The following CDC14B variants were observed in gnomAD, a reference collection of about 807,000 sequenced individuals.
The protein encoded by CDC14B is dual specificity protein phosphatase CDC14B.
A neutral mutation model predicts 64.2 loss-of-function variants in CDC14B; 22 were observed. That is an observed-to-expected ratio of 0.34 (90% confidence interval 0.24 to 0.49). CDC14B has a LOEUF of 0.49. Among genes scored for constraint, CDC14B ranks in the 20% least tolerant of loss-of-function variants. The pLI, the probability that CDC14B is intolerant of heterozygous loss-of-function variation, is 0.99. For synonymous variants in CDC14B, 191 were observed against 215.8 expected (o/e 0.89, Z 1.01); for missense variants, 498 against 629.9 (o/e 0.79, Z 2.24).
chr9:96,571,866 A>G (rs1419937712), intron 1 of CDC14B, among the ~76,000 whole-genome samples: 2 of 152,046 alleles, frequency 1.3e-5, no homozygotes, highest in Admixed American at 1.3e-4. Context: ...CCCACCCCAT[A>G]CCCTGGAGGA....
intron 7 of CDC14B, 119 bp from the exon 8 acceptor site, chr9:96,534,661 C>A (rs1217302302): frequency 4.5e-6 from 3 of 660,662 alleles, no homozygotes; most frequent in Non-Finnish European, 8.0e-6. Context: ...AAGCTGTTTA[C>A]AAATTGCCAT....
At chr9:96,570,293 G>A (rs1844393539) in intron 1 of CDC14B, among the ~76,000 whole-genome samples, 1 of 152,212 alleles carries the variant, frequency 6.6e-6, no homozygotes, top group East Asian at 1.9e-4. Flanking sequence ...GAAATATGTA[G>A]GAGTCGGTGG....
chr9:96,571,425 C>T (rs1175775514), intron 1 of CDC14B, among the ~76,000 whole-genome samples: 1 of 152,086 alleles, frequency 6.6e-6, no homozygotes, highest in East Asian at 1.9e-4. Flanking sequence ...CCGCCCGCCT[C>T]GGCCTCCCAG....
At chr9:96,492,158 A>G (rs7867618) in exon 14 of CDC14B, 37,817 of 152,112 alleles carry the variant, frequency 0.25, 6,190 homozygotes, top group African/African-American at 0.47. Context: ...GGCGACTTAG[A>G]CTCAAGCAGA....
At chr9:96,512,524 T>C (rs1367365140) in intron 12 of CDC14B, among the ~76,000 whole-genome samples, 1 of 152,076 alleles carries the variant, frequency 6.6e-6, no homozygotes, top group Non-Finnish European at 1.5e-5. Context: ...GGGGTCTCGC[T>C]ATGTTGCCCA....
At chr9:96,578,622 G>C (rs1212418225) in intron 1 of CDC14B, among the ~76,000 whole-genome samples, 2 of 152,092 alleles carry the variant, frequency 1.3e-5, no homozygotes, top group African/African-American at 4.8e-5. Flanking sequence ...CAAAATAGCT[G>C]ACCCATTCTC....
intron 7 of CDC14B, among the ~76,000 whole-genome samples, chr9:96,537,481 G>A (rs898995166): frequency 2.6e-5 from 4 of 152,174 alleles, no homozygotes; most frequent in African/African-American, 9.7e-5. Flanking sequence ...GGCACATGAC[G>A]TAAGTCAGGC....
intron 1 of CDC14B, among the ~76,000 whole-genome samples, chr9:96,581,717 G>A (rs1053140317): frequency 6.6e-6 from 1 of 152,036 alleles, no homozygotes; most frequent in African/African-American, 2.4e-5. Flanking sequence ...TTCCTCTGGG[G>A]AGTGAGGGAA....
In CDC14B at chr9:96,502,388, G is replaced by C. The variant is rs528793092; in HGVS notation, c.*1365C>G. The C allele has an allele frequency of 6.5e-6, 1 of 153,754 alleles. No homozygotes were observed. Among genetic ancestry groups the C allele is most frequent in the East Asian group, 1.9e-4 (1 of 5,264 alleles). The allele number at this position is 153,754 out of a possible 1,614,324, so 9.5% of individuals were successfully genotyped here. A position where few individuals can be genotyped will look rare whatever the true frequency, so the allele number is the denominator to read the frequency against. ...CCGCTTTTATTTCTTCCAGTTTTGT[G>C]AAAAAGGCAGCTTCTTAAAATGGAG... is the stretch of plus-strand genomic sequence containing the variant. On this transcript the variant is annotated 3_prime_UTR_variant, in exon 14 of 14. Transcript: ENST00000375241.
At position 96,534,494 on chromosome 9, in the gene CDC14B, C is replaced by A; in HGVS notation, c.676G>T (p.Ala226Ser). ...LNWIIPDRFI[A>S]FCGPHSRARL... ...GCTCTTGAATGAGGTCCACAGAAGG[C>A]AATAAATCGGTCTGGTATTATCCAA... The change falls in exon 8 of 14, where the codon GCC becomes TCC. Residue 226 changes from alanine to serine, a missense_variant. Ala to Ser is a moderately conservative substitution (Grantham distance 99, BLOSUM62 1). Transcript: ENST00000375241. The A allele has an allele frequency of 6.2e-7, 1 of 1,613,456 alleles. No individual in the cohort carries two copies. The highest frequency in any genetic ancestry group is 8.5e-7 in the Non-Finnish European group (1 of 1,179,426).
At chr9:96,518,777 G>A (rs1836163691) in intron 12 of CDC14B, among the ~76,000 whole-genome samples, 1 of 152,130 alleles carries the variant, frequency 6.6e-6, no homozygotes, top group East Asian at 1.9e-4. Flanking sequence ...AGGCAGAATG[G>A]CCCGAATGTC....
chr9:96,586,323 A>G (rs1297895517), intron 1 of CDC14B, among the ~76,000 whole-genome samples: 2 of 152,218 alleles, frequency 1.3e-5, no homozygotes, highest in Non-Finnish European at 2.9e-5. Flanking sequence ...AGTAAATGAC[A>G]TTGCAACTTT....
chr9:96,575,276 G>A (rs1019507922), intron 1 of CDC14B, among the ~76,000 whole-genome samples: 3 of 152,150 alleles, frequency 2.0e-5, no homozygotes, highest in African/African-American at 7.2e-5. Flanking sequence ...GTTGCCTTCG[G>A]ATCTAAATGC....
At position 96,503,618 on chromosome 9, in the gene CDC14B, T is replaced by C. The variant is rs1455965280; in HGVS notation, c.*135A>G. 1.4e-6 allele frequency: 1 copy of C among 722,324 alleles called. No individual in the cohort carries two copies. The highest frequency in any genetic ancestry group is 2.4e-6 in the Non-Finnish European group (1 of 422,406). 44.7% of individuals were successfully genotyped at this position (722,324 alleles called of 1,614,324 possible). On this transcript the variant is annotated 3_prime_UTR_variant, in exon 14 of 14. Coordinates refer to ENST00000375241, the MANE Select transcript of CDC14B (RefSeq NM_033331.4). The stretch of plus-strand genomic sequence containing the variant: ...ATTATTCAAACTCCAGTGGACATTT[T>C]CTCCATTGATCAACTTCTTAGGTGG...
intron 1 of CDC14B, among the ~76,000 whole-genome samples, chr9:96,574,735 T>G (rs1202630372): frequency 6.8e-6 from 1 of 147,662 alleles, no homozygotes; most frequent in Non-Finnish European, 1.5e-5. Context: ...AATGTTTCTG[T>G]TTAACACAGG....
intron 1 of CDC14B, among the ~76,000 whole-genome samples, chr9:96,574,697 C>CAAAAAAAAAAAAAAAAAAAAAAAA (rs57056796): frequency 8.0e-5 from 4 of 49,968 alleles, no homozygotes; most frequent in African/African-American, 3.4e-4. Context: ...CTCGGTCTCA[C>CAAAAAAAAAAAAAAAAAAAAAAAA]AAAAAAAAAA....
chr9:96,492,677 G>A (rs1026816342), exon 14 of CDC14B: 1 of 152,438 alleles, frequency 6.6e-6, no homozygotes, highest in African/African-American at 2.4e-5. Flanking sequence ...CTGGGAGAAG[G>A]AGGTTGCAGT....
chr9:96,502,950 T>C lies in CDC14B; in HGVS notation c.*803A>G. The C allele has an allele frequency of 2.5e-6, 1 of 398,548 alleles. No individual in the cohort carries two copies. Among genetic ancestry groups the C allele is most frequent in the South Asian group, 1.3e-4 (1 of 7,858 alleles). The allele number at this position is 398,548 out of a possible 1,614,324, so 24.7% of individuals were successfully genotyped here. Reference sequence around the variant, plus strand: ...TTCCATTCATGGAAGGAAATATGATTTTAATTTGTATGACTGGCAACCAAA... The same window carrying C: ...TTCCATTCATGGAAGGAAATATGATCTTAATTTGTATGACTGGCAACCAAA... On this transcript the variant is annotated 3_prime_UTR_variant, in exon 14 of 14. Transcript: ENST00000375241.
chr9:96,595,095 G>A (rs940535305), intron 1 of CDC14B, among the ~76,000 whole-genome samples: 2 of 152,168 alleles, frequency 1.3e-5, no homozygotes, highest in African/African-American at 4.8e-5. Flanking sequence ...AGGTTGCAGT[G>A]AGCTGAGATC....
Sources: allele counts gnomAD v4.1 joint callset (sites outside exome capture counted in the v4.1 genomes callset), GRCh38; gene constraint gnomAD v4.1.1; transcripts MANE v1.5; gene names NCBI Gene and HGNC (gene_info 2026-07-23, HGNC 2026-07-21).